ZNF385D: variants seen among roughly 807,000 people sequenced by gnomAD.
ZNF385D encodes the protein zinc finger protein 659.
Under a neutral mutation model 35.8 loss-of-function variants are expected in ZNF385D, and 15 were observed. The observed-to-expected ratio is 0.42, with a 90% CI of 0.28 to 0.64. ZNF385D has a LOEUF of 0.64. ZNF385D is among the 30% of genes least tolerant of loss of function. ZNF385D has a pLI of 0.23. For missense variants in ZNF385D, 474 were observed against 494.6 expected, an observed-to-expected ratio of 0.96 and a Z score of 0.39; for synonymous variants, 212 against 186.8, an observed-to-expected ratio of 1.13 and a Z score of -1.10.
intron 2 of ZNF385D, among the ~76,000 whole-genome samples, chr3:22,208,276 G>A (rs1184884495): frequency 6.6e-6 from 1 of 151,840 alleles, no homozygotes; most frequent in African/African-American, 2.4e-5. Context: ...ATGAGATCCT[G>A]TCATTTGCAA....
intron 4 of ZNF385D, among the ~76,000 whole-genome samples, chr3:21,454,542 A>G (rs1702663358): frequency 1.3e-5 from 2 of 151,972 alleles, no homozygotes; most frequent in Admixed American, 1.3e-4. Context: ...CCCACCTTAG[A>G]AACTTTGAGT....
chr3:21,832,490 T>G (rs1412512113), intron 3 of ZNF385D, among the ~76,000 whole-genome samples: 2 of 152,178 alleles, frequency 1.3e-5, no homozygotes, highest in Admixed American at 1.3e-4. Context: ...GCAAAGCAGG[T>G]GCTTCCTCAT....
chr3:22,058,248 A>G (rs1488570448), intron 3 of ZNF385D, among the ~76,000 whole-genome samples: 26 of 152,212 alleles, frequency 1.7e-4, no homozygotes. Flanking sequence ...TTTGCTTCAA[A>G]TGATAGAGTC....
chr3:21,586,034 AATAC>A (rs1208656487), intron 2 of ZNF385D, among the ~76,000 whole-genome samples: 3 of 47,692 alleles, frequency 6.3e-5, no homozygotes, highest in Non-Finnish European at 1.5e-4. Flanking sequence ...TATAAATACA[AATAC>A]ATACACACAC....
At chr3:22,319,546 G>A (rs573128684) in intron 2 of ZNF385D, among the ~76,000 whole-genome samples, 1 of 152,194 alleles carries the variant, frequency 6.6e-6, no homozygotes, top group Admixed American at 6.5e-5. Context: ...TCAAATCTTA[G>A]AATCAAAAGA....
intron 1 of ZNF385D, among the ~76,000 whole-genome samples, chr3:21,677,307 G>GT (rs1163870299): frequency 2.0e-5 from 3 of 151,946 alleles, no homozygotes; most frequent in Non-Finnish European, 4.4e-5. Context: ...GAAAACACAG[G>GT]TTTTTCTGGT....
intron 3 of ZNF385D, among the ~76,000 whole-genome samples, chr3:21,888,803 G>GGGAAACTCATCTAA (rs1340927261): frequency 6.6e-6 from 1 of 152,192 alleles, no homozygotes; most frequent in Non-Finnish European, 1.5e-5. Context: ...CCCAAAATGA[G>GGGAAACTCATCTAA]GTGCCTGTTC....
At chr3:21,450,162 C>T (rs1180330677) in intron 4 of ZNF385D, among the ~76,000 whole-genome samples, 2 of 152,138 alleles carry the variant, frequency 1.3e-5, no homozygotes, top group African/African-American at 2.4e-5. Context: ...TGCTCATGGT[C>T]ACTACCTGCA....
At chr3:21,892,044 A>G (rs1462378660) in intron 3 of ZNF385D, among the ~76,000 whole-genome samples, 1 of 152,208 alleles carries the variant, frequency 6.6e-6, no homozygotes, top group South Asian at 2.1e-4. Context: ...TGTAGTTTAT[A>G]TGATATTGGT....
chr3:21,669,567 T>C (rs1414504737), intron 1 of ZNF385D, among the ~76,000 whole-genome samples: 1 of 152,152 alleles, frequency 6.6e-6, no homozygotes, highest in African/African-American at 2.4e-5. Flanking sequence ...GAAAAGCAAA[T>C]TAATATGTAA....
Position 22,120,273 on chromosome 3 carries a change from G to C in ZNF385D, c.325+48544C>G, listed in dbSNP as rs911833187. On this transcript the variant is annotated intron_variant, in intron 3 of 5. Transcript: ENST00000494108. The stretch of plus-strand genomic sequence containing the variant: ...GTGGAGGATAGAAGTCTAAACTTCA[G>C]GTGTTGGAAGTTTGGTTTCTCCTTT... Among the ~76,000 whole-genome samples the C allele has an allele frequency of 2.6e-5, 4 of 152,076 alleles. No homozygotes were observed. The East Asian group carries it at 7.8e-4, about 30-fold the overall frequency.
chr3:22,252,258 G>T (rs939278997), intron 2 of ZNF385D, among the ~76,000 whole-genome samples: 1 of 151,988 alleles, frequency 6.6e-6, no homozygotes, highest in Non-Finnish European at 1.5e-5. Context: ...GAAATTGAGG[G>T]GAGGGGCACT....
At chr3:22,235,413 T>G (rs1008946579) in intron 2 of ZNF385D, among the ~76,000 whole-genome samples, 1 of 152,066 alleles carries the variant, frequency 6.6e-6, no homozygotes, top group African/African-American at 2.4e-5. Context: ...CGACATTTAT[T>G]TTAACAGGAC....
intron 3 of ZNF385D, among the ~76,000 whole-genome samples, chr3:21,843,903 C>T (rs1210647748): frequency 6.6e-6 from 1 of 151,866 alleles, no homozygotes; most frequent in Admixed American, 6.6e-5. Flanking sequence ...TCATTTCCTG[C>T]TGGGGAACAA....
chr3:22,228,944 G>A (rs150924298), intron 2 of ZNF385D, among the ~76,000 whole-genome samples: 47 of 152,284 alleles, frequency 3.1e-4, no homozygotes, highest in East Asian at 1.2e-3. Flanking sequence ...TTAGGCCTTC[G>A]GCCACAGGCT....
chr3:21,497,946 G>C (rs762418667), intron 4 of ZNF385D, among the ~76,000 whole-genome samples: 1 of 152,026 alleles, frequency 6.6e-6, no homozygotes, highest in Non-Finnish European at 1.5e-5. Flanking sequence ...CAAAGCTGGC[G>C]GTATCACATT....
intron 4 of ZNF385D, among the ~76,000 whole-genome samples, chr3:21,499,727 C>G (rs990022454): frequency 6.6e-6 from 1 of 151,912 alleles, no homozygotes; most frequent in African/African-American, 2.4e-5. Flanking sequence ...ATTCTGCATT[C>G]TGACCTTCAT....
At chr3:21,507,567 T>C (rs572405804) in intron 4 of ZNF385D, among the ~76,000 whole-genome samples, 1 of 152,270 alleles carries the variant, frequency 6.6e-6, no homozygotes, top group Admixed American at 6.5e-5. Flanking sequence ...TTCTTCTCCT[T>C]CTGCCAAGTA....
intron 3 of ZNF385D, among the ~76,000 whole-genome samples, chr3:21,808,154 A>ACTT (rs2072738730): frequency 6.6e-6 from 1 of 152,222 alleles, no homozygotes; most frequent in Admixed American, 6.5e-5. Context: ...AGGATAAGAA[A>ACTT]ATCCTTTAGT....
Sources: allele counts gnomAD v4.1 joint callset (sites outside exome capture counted in the v4.1 genomes callset), GRCh38; gene constraint gnomAD v4.1.1; transcripts MANE v1.5; gene names NCBI Gene and HGNC (gene_info 2026-07-23, HGNC 2026-07-21).